Variants in TOPBP1 observed in about 807,000 individuals in gnomAD.
TOPBP1 encodes DNA topoisomerase II binding protein 1.
Under a neutral mutation model 167.7 loss-of-function variants are expected in TOPBP1, and 28 were observed. That is an observed-to-expected ratio of 0.17 (90% CI 0.12 to 0.23). The LOEUF (loss-of-function observed/expected upper bound fraction) is 0.23. TOPBP1 is among the 10% of genes least tolerant of loss of function. TOPBP1 has a pLI of 1.00. For missense variants in TOPBP1, 1,554 were observed against 1,809.6 expected (o/e 0.86, Z 2.56); for synonymous variants, 598 against 611.4 (o/e 0.98, Z 0.32).
chr3:133,601,074 A>G lies in TOPBP1; in HGVS notation c.*176T>C. 2 of 470,986 alleles carry G rather than the reference A, an allele frequency of 4.2e-6. No homozygotes were observed. 29.2% of individuals were successfully genotyped at this position (470,986 alleles called of 1,614,324 possible). ...GTAACTTTTTATTAAGAAACAGTTA[A>G]TATTTCAGTGATTACAATTTCAGGT... On this transcript the variant is annotated 3_prime_UTR_variant, in exon 28 of 28. Coordinates refer to ENST00000260810, the MANE Select transcript of TOPBP1 (RefSeq NM_007027.4).
chr3:133,615,389 A>G (rs1417528971), intron 23 of TOPBP1, among the ~76,000 whole-genome samples: 1 of 152,184 alleles, frequency 6.6e-6, no homozygotes, highest in East Asian at 1.9e-4. Context: ...AGGCAGAAGA[A>G]TTGCTTGAGC....
chr3:133,641,081 T>C (rs1319172494), intron 12 of TOPBP1, among the ~76,000 whole-genome samples: 1 of 151,422 alleles, frequency 6.6e-6, no homozygotes, highest in African/African-American at 2.4e-5. Flanking sequence ...TTCCTAGCAC[T>C]TTTTTTTTCT....
At chr3:133,610,983 T>A (rs1576678844) in intron 25 of TOPBP1, 21 bp downstream of exon 25, 5 of 1,597,748 alleles carry the variant, frequency 3.1e-6, no homozygotes, top group African/African-American at 2.7e-5. Context: ...TTGTATTACC[T>A]ATATAATTGT....
chr3:133,624,181 A>G lies in TOPBP1; in HGVS notation c.2805-6T>C, dbSNP rs1402694377. The G allele has an allele frequency of 6.2e-7, 1 of 1,612,178 alleles. No homozygotes were observed. On this transcript the variant is annotated splice_polypyrimidine_tract_variant and splice_region_variant and intron_variant, in intron 16 of 27. Coordinates refer to ENST00000260810, the MANE Select transcript of TOPBP1 (RefSeq NM_007027.4). ...CTGTTTCATCAAAACTCCACCTGAA[A>G]TAACCAATACAAAAAAACAAATAAC...
chr3:133,617,040 T>C, intron 22 of TOPBP1, 115 bp from the exon 23 acceptor site: 2 of 1,343,554 alleles, frequency 1.5e-6, no homozygotes, highest in Non-Finnish European at 2.0e-6. Context: ...CAAATAATGA[T>C]ACAATGCAAA....
At chr3:133,654,989 C>G (rs1936428343) in intron 6 of TOPBP1, among the ~76,000 whole-genome samples, 1 of 152,042 alleles carries the variant, frequency 6.6e-6, no homozygotes, top group Middle Eastern at 3.2e-3. Context: ...GTGGGAAGAT[C>G]AATTGAGGTC....
chr3:133,636,118 C>T (rs756600567), intron 14 of TOPBP1, among the ~76,000 whole-genome samples: 12 of 152,058 alleles, frequency 7.9e-5, no homozygotes, highest in African/African-American at 2.9e-4. Flanking sequence ...GAGGAAGCAG[C>T]GATGGAGCCA....
At chr3:133,658,323 C>T (rs934458632) in intron 3 of TOPBP1, among the ~76,000 whole-genome samples, 1 of 151,854 alleles carries the variant, frequency 6.6e-6, no homozygotes, top group Non-Finnish European at 1.5e-5. Flanking sequence ...AAAAATTAGT[C>T]GGGTGCAGTG....
intron 25 of TOPBP1, among the ~76,000 whole-genome samples, chr3:133,609,689 T>C (rs937829558): frequency 2.0e-5 from 3 of 152,204 alleles, no homozygotes. Context: ...TTCTCTCTCC[T>C]GCCACCATGT....
chr3:133,617,130 G>C (rs368573291), intron 22 of TOPBP1, 30 bp downstream of exon 22: 1 of 1,570,456 alleles, frequency 6.4e-7, no homozygotes, highest in Non-Finnish European at 8.6e-7. Flanking sequence ...GTATGCAAAA[G>C]CTGTATCACC....
chr3:133,628,244 T>G, intron 16 of TOPBP1, 118 bp downstream of exon 16: 1 of 920,326 alleles, frequency 1.1e-6, no homozygotes, highest in South Asian at 1.7e-5. Context: ...TGGAGAGATT[T>G]TGTAGATAAA....
chr3:133,638,312 T>A (rs1576302726), intron 13 of TOPBP1, 150 bp from the exon 14 acceptor site: 2 of 755,136 alleles, frequency 2.6e-6, no homozygotes, highest in East Asian at 5.4e-5. Context: ...GGCATCCTAA[T>A]CTGTTAGTTT....
intron 14 of TOPBP1, among the ~76,000 whole-genome samples, chr3:133,636,476 G>A (rs899566063): frequency 5.3e-5 from 8 of 151,968 alleles, no homozygotes; most frequent in African/African-American, 1.9e-4. Context: ...CATTATTTAT[G>A]TGCCATCAAA....
At position 133,623,344 on chromosome 3, in the gene TOPBP1, T is replaced by C. The variant is rs1935160023; in HGVS notation, c.3042A>G (p.Leu1014=). ...CCTTTGTTGAAGACACAGCTGAGAG[T>C]AGTCGACTATTACAGAGCCGGCCAT... ...VQDGRLCNSR[L]LSAVSSTKDD... is the part of the protein sequence containing the mutation. Residue 1014 remains leucine (L), a synonymous_variant, in exon 18 of 28, where the codon CTA becomes CTG. Coordinates refer to ENST00000260810, the MANE Select transcript of TOPBP1 (RefSeq NM_007027.4). The C allele has an allele frequency of 3.7e-6, 6 of 1,613,340 alleles. No homozygotes were observed. Among genetic ancestry groups the C allele is most frequent in the African/African-American group, 1.3e-5 (1 of 74,832 alleles).
intron 20 of TOPBP1, 137 bp downstream of exon 20, chr3:133,620,018 A>C (rs4854588): frequency 0.85 from 720,480 of 848,966 alleles, 306,802 homozygotes; most frequent in East Asian, 0.97. Flanking sequence ...TTTAAATTTC[A>C]GCTTTTACTG....
Position 133,612,520 on chromosome 3 carries a change from G to A in TOPBP1, c.3904C>T (p.Pro1302Ser). ...GLVIEKQCFDPTCTHIVVGHP... is the reference protein window; with the variant it reads ...GLVIEKQCFDSTCTHIVVGHP... Reference sequence around the variant, plus strand: ...CCCACAACAATGTGTGTACAGGTGGGATCAAAGCACTGCTTTTCTATCACC... The same window carrying A: ...CCCACAACAATGTGTGTACAGGTGGAATCAAAGCACTGCTTTTCTATCACC... Residue 1302 changes from proline to serine, a missense_variant, in exon 24 of 28, where the codon CCC becomes TCC. Transcript: ENST00000260810. 2 of 1,613,664 alleles carry A rather than the reference G, an allele frequency of 1.2e-6. No homozygotes were observed. The highest frequency in any genetic ancestry group is 8.5e-7 in the Non-Finnish European group (1 of 1,179,736).
Position 133,644,243 on chromosome 3 carries a change from G to A in TOPBP1, c.1625C>T (p.Pro542Leu). 1.2e-6 allele frequency: 2 copies of A among 1,613,850 alleles called. No homozygotes were observed. The highest frequency in any genetic ancestry group is 1.7e-6 in the Non-Finnish European group (2 of 1,179,842). The change falls in exon 11 of 28, where the codon CCT becomes CTT. Residue 542 changes from proline to leucine, a missense_variant. Transcript: ENST00000260810. ...TTCTTCAGTAATTGTAGAAACATCA[G>A]GGACACAATGACTGACAGAAGACTG... ...ENQSSVSHCV[P>L]DVSTITEEGL...
chr3:133,650,531 C>CT (rs1936255148), intron 8 of TOPBP1, among the ~76,000 whole-genome samples: 1 of 152,016 alleles, frequency 6.6e-6, no homozygotes, highest in Admixed American at 6.6e-5. Context: ...GAACACAATG[C>CT]TTTGAGGATA....
Position 133,661,147 on chromosome 3 carries a change from A to T in TOPBP1, c.-7-13T>A. 6.5e-7 allele frequency: 1 copy of T among 1,549,904 alleles called. No homozygotes were observed. Among genetic ancestry groups the T allele is most frequent in the Non-Finnish European group, 8.7e-7 (1 of 1,154,138 alleles). On this transcript the variant is annotated splice_polypyrimidine_tract_variant and intron_variant, in intron 1 of 27. Transcript: ENST00000260810. ...GGACATTTCTGAACTGTCAAAATAAAGGAACCATTAACAAGAACAAAACCA... is the reference window on the plus strand; with the variant it reads ...GGACATTTCTGAACTGTCAAAATAATGGAACCATTAACAAGAACAAAACCA...
Sources: gnomAD v4.1 joint callset for allele counts (sites outside exome capture counted in the v4.1 genomes callset) on GRCh38, gnomAD v4.1.1 for gene constraint, MANE v1.5 for transcripts, NCBI Gene and HGNC (gene_info 2026-07-23, HGNC 2026-07-21) for gene names.